CALN1: variants seen among roughly 807,000 people sequenced by gnomAD.
CALN1 encodes the protein calneuron 1.
A neutral mutation model predicts 30.6 loss-of-function variants in CALN1; 17 were observed. That is an observed-to-expected ratio of 0.56 (90% CI 0.38 to 0.83). CALN1 has a LOEUF of 0.83. Ranked by LOEUF, CALN1 falls within the 40% of genes least tolerant of loss-of-function variation. The pLI is 0.00. For synonymous variants in CALN1, 156 were observed against 131.4 expected (o/e 1.19, Z -1.28); for missense variants, 291 against 354.9 (o/e 0.82, Z 1.45).
At chr7:72,484,211 T>C in the CALN1 span, among the ~76,000 whole-genome samples, 1 of 152,222 alleles carries the variant, frequency 6.6e-6, no homozygotes. Flanking sequence ...TATGAGTTCA[T>C]ATTGTGAATT....
At chr7:72,204,945 C>A (rs1791716078) in intron 3 of CALN1, among the ~76,000 whole-genome samples, 1 of 152,148 alleles carries the variant, frequency 6.6e-6, no homozygotes, top group South Asian at 2.1e-4. Context: ...AAAAATTCTA[C>A]AATTTTATAA....
At chr7:72,183,237 G>C (rs930446295) in intron 3 of CALN1, among the ~76,000 whole-genome samples, 4 of 152,024 alleles carry the variant, frequency 2.6e-5, no homozygotes, top group Non-Finnish European at 5.9e-5. Flanking sequence ...CTAATTTTTT[G>C]TATTTTTAGT....
chr7:72,494,413 G>A, the CALN1 span, among the ~76,000 whole-genome samples: 1 of 152,202 alleles, frequency 6.6e-6, no homozygotes, highest in African/African-American at 2.4e-5. Context: ...GGGCACCCAC[G>A]CCGTGCCAGG....
At chr7:71,922,742 T>C (rs976799236) in intron 5 of CALN1, among the ~76,000 whole-genome samples, 2 of 122,938 alleles carry the variant, frequency 1.6e-5, no homozygotes, top group East Asian at 4.9e-4. Flanking sequence ...GAATATATTA[T>C]ATATAAATAT....
chr7:71,901,300 T>C (rs981287443), intron 5 of CALN1, among the ~76,000 whole-genome samples: 1 of 151,768 alleles, frequency 6.6e-6, no homozygotes, highest in Non-Finnish European at 1.5e-5. Flanking sequence ...TGCTCATGGA[T>C]CAAAAGAATC....
intron 5 of CALN1, among the ~76,000 whole-genome samples, chr7:72,007,159 T>C (rs896668158): frequency 6.6e-6 from 1 of 152,234 alleles, no homozygotes; most frequent in Non-Finnish European, 1.5e-5. Flanking sequence ...CCAGCTTCCC[T>C]TGCTGCCACG....
chr7:72,266,803 G>A (rs1287245884), intron 3 of CALN1, among the ~76,000 whole-genome samples: 1 of 152,130 alleles, frequency 6.6e-6, no homozygotes, highest in African/African-American at 2.4e-5. Flanking sequence ...TAAGGAATGG[G>A]CCCTTGGAAG....
At chr7:72,239,730 C>T (rs996281548) in intron 3 of CALN1, among the ~76,000 whole-genome samples, 3 of 152,108 alleles carry the variant, frequency 2.0e-5, no homozygotes, top group African/African-American at 7.2e-5. Flanking sequence ...ACACAGAATG[C>T]CCAGCCTCTG....
At chr7:72,117,459 T>C (rs977986117) in intron 3 of CALN1, among the ~76,000 whole-genome samples, 3 of 152,158 alleles carry the variant, frequency 2.0e-5, no homozygotes, top group African/African-American at 7.2e-5. Context: ...AGTCTTATGG[T>C]CTGCATTTTA....
intron 4 of CALN1, among the ~76,000 whole-genome samples, chr7:72,098,760 G>GCACACACACACACACACA (rs1491327481): frequency 7.9e-4 from 80 of 101,356 alleles, no homozygotes; most frequent in East Asian, 4.3e-3. Flanking sequence ...AGCCCATTTG[G>GCACACACACACACACACA]CGCGCACACA....
chr7:71,830,229 G>C lies in CALN1; in HGVS notation c.502-19737C>G, dbSNP rs1032243430. ...TGGCTAATTTTGCATTTTTAGTAGA[G>C]ATGGGTTTTCTTCATGTTGGTCAGG... is the stretch of plus-strand genomic sequence containing the variant. On this transcript the variant is annotated intron_variant, in intron 5 of 6. Coordinates refer to ENST00000395275, the MANE Select transcript of CALN1 (RefSeq NM_031468.4). Among the ~76,000 whole-genome samples the C allele has an allele frequency of 3.9e-5, 6 of 152,166 alleles. No homozygotes were observed. In the East Asian group the frequency reaches 7.7e-4, roughly 20 times the overall value.
chr7:72,031,644 T>C (rs1801442739), intron 4 of CALN1, among the ~76,000 whole-genome samples: 1 of 151,918 alleles, frequency 6.6e-6, no homozygotes, highest in Non-Finnish European at 1.5e-5. Context: ...CATAGCTCAC[T>C]GCAGCTTTGA....
intron 4 of CALN1, among the ~76,000 whole-genome samples, chr7:72,080,945 G>A (rs886906218): frequency 2.6e-5 from 4 of 152,050 alleles, no homozygotes; most frequent in Admixed American, 6.6e-5. Context: ...TCTAGTATCC[G>A]GGCCCAATCC....
chr7:71,823,676 C>A (rs950818476), intron 5 of CALN1, among the ~76,000 whole-genome samples: 1 of 151,754 alleles, frequency 6.6e-6, no homozygotes, highest in Non-Finnish European at 1.5e-5. Flanking sequence ...CGAGATTGCA[C>A]CACTGCACTC....
chr7:72,406,791 A>G (rs1399633127), intron 1 of CALN1, among the ~76,000 whole-genome samples: 1 of 151,582 alleles, frequency 6.6e-6, no homozygotes, highest in East Asian at 1.9e-4. Flanking sequence ...TAATTTTTGT[A>G]TTTTTAGTAG....
At chr7:72,374,213 T>G (rs956715605) in intron 2 of CALN1, among the ~76,000 whole-genome samples, 4 of 152,158 alleles carry the variant, frequency 2.6e-5, no homozygotes, top group Admixed American at 6.5e-5. Context: ...CTAGGTGAAT[T>G]TAATAGACTA....
At position 71,873,587 on chromosome 7, in the gene CALN1, C is replaced by T. The variant is rs116297637; in HGVS notation, c.502-63095G>A. Among the ~76,000 whole-genome samples the T allele has an allele frequency of 1.8e-3, 274 of 151,638 alleles. 1 individual carries two copies. Among genetic ancestry groups the T allele is most frequent in the African/African-American group, 6.4e-3 (263 of 41,160 alleles). ...TACTAAAAATCATCTGCTTTCGACT[C>T]AAAGTTGCTCAAGAAAAAAATAAAA... On this transcript the variant is annotated intron_variant, in intron 5 of 6. Coordinates refer to ENST00000395275, the MANE Select transcript of CALN1 (RefSeq NM_031468.4).
chr7:71,824,819 CCAGGGAG>C (rs1380940807), intron 5 of CALN1, among the ~76,000 whole-genome samples: 1 of 152,144 alleles, frequency 6.6e-6, no homozygotes, highest in African/African-American at 2.4e-5. Flanking sequence ...AACTTCTTAA[CCAGGGAG>C]CAGAATTGGT....
At chr7:71,972,255 C>T (rs989629913) in intron 5 of CALN1, among the ~76,000 whole-genome samples, 1 of 152,136 alleles carries the variant, frequency 6.6e-6, no homozygotes, top group South Asian at 2.1e-4. Context: ...GTTCTGAACA[C>T]CCCACAGGAT....
Sources: gnomAD v4.1 joint callset for allele counts (sites outside exome capture counted in the v4.1 genomes callset) on GRCh38, gnomAD v4.1.1 for gene constraint, MANE v1.5 for transcripts, NCBI Gene and HGNC (gene_info 2026-07-23, HGNC 2026-07-21) for gene names.